NRXN3: variants seen among roughly 807,000 people sequenced by gnomAD.
NRXN3 encodes neurexin III.
A neutral mutation model predicts 137.6 loss-of-function variants in NRXN3; 32 were observed. The observed-to-expected ratio is 0.23, with a 90% CI of 0.18 to 0.31. The LOEUF is 0.31. Ranked by LOEUF, NRXN3 falls within the 10% of genes least tolerant of loss-of-function variation. NRXN3 has a pLI of 1.00. For synonymous variants in NRXN3, 798 were observed against 784.5 expected (o/e 1.02, Z -0.29); for missense variants, 1,574 against 2,062.5 (o/e 0.76, Z 4.59).
intron 15 of NRXN3, among the ~76,000 whole-genome samples, chr14:79,081,665 T>A (rs1008493085): frequency 6.7e-6 from 1 of 149,954 alleles, no homozygotes; most frequent in Non-Finnish European, 1.5e-5. Flanking sequence ...CTTTGTCTAA[T>A]GAAGGAGACA....
At chr14:78,413,649 C>T (rs1380821178) in intron 4 of NRXN3, among the ~76,000 whole-genome samples, 1 of 152,178 alleles carries the variant, frequency 6.6e-6, no homozygotes, top group Admixed American at 6.5e-5. Flanking sequence ...CAGATGTCTC[C>T]AGGTGAAGTG....
intron 16 of NRXN3, among the ~76,000 whole-genome samples, chr14:79,480,957 A>G (rs2096602351): frequency 6.6e-6 from 1 of 152,090 alleles, no homozygotes; most frequent in South Asian, 2.1e-4. Context: ...CCCTTTTCTT[A>G]TAAATTACCC....
At chr14:79,392,357 G>GT (rs2153474897) in intron 15 of NRXN3, among the ~76,000 whole-genome samples, 1 of 152,258 alleles carries the variant, frequency 6.6e-6, no homozygotes, top group African/African-American at 2.4e-5. Context: ...ATATTCCATG[G>GT]TGTATATACC....
intron 15 of NRXN3, among the ~76,000 whole-genome samples, chr14:79,191,293 G>C (rs993811135): frequency 3.3e-5 from 5 of 152,176 alleles, no homozygotes; most frequent in Non-Finnish European, 2.9e-5. Context: ...AAATACAAAG[G>C]CATGGCCAGT....
At chr14:79,309,237 CATGT>C (rs2086753236) in intron 15 of NRXN3, among the ~76,000 whole-genome samples, 2 of 27,762 alleles carry the variant, frequency 7.2e-5, no homozygotes, top group South Asian at 2.4e-3. Flanking sequence ...CAATTTCATC[CATGT>C]CCCTACAAAG....
intron 1 of NRXN3, among the ~76,000 whole-genome samples, chr14:78,196,508 A>G (rs182532237): frequency 7.9e-5 from 12 of 152,330 alleles, no homozygotes; most frequent in East Asian, 1.9e-4. Flanking sequence ...TCTGCGCCCT[A>G]AAGGATCTCA....
chr14:79,606,893 G>A (rs2098027034), intron 16 of NRXN3, among the ~76,000 whole-genome samples: 1 of 152,184 alleles, frequency 6.6e-6, no homozygotes, highest in South Asian at 2.1e-4. Context: ...TAAGGAAGGG[G>A]ATCTTAGCAG....
intron 6 of NRXN3, 123 bp downstream of exon 6, chr14:78,651,449 C>A: frequency 1.8e-6 from 2 of 1,135,924 alleles, no homozygotes; most frequent in Non-Finnish European, 2.5e-6. Flanking sequence ...GCAGCAGAAA[C>A]AACCTTGAAC....
intron 15 of NRXN3, among the ~76,000 whole-genome samples, chr14:79,100,077 A>G (rs182629359): frequency 9.2e-5 from 14 of 152,238 alleles, no homozygotes; most frequent in African/African-American, 3.1e-4. Flanking sequence ...TTTCCCTTAA[A>G]GAGACCATAC....
intron 19 of NRXN3, among the ~76,000 whole-genome samples, chr14:79,707,124 T>G (rs1360253386): frequency 6.6e-6 from 1 of 152,098 alleles, no homozygotes; most frequent in Non-Finnish European, 1.5e-5. Context: ...AGTGATAATT[T>G]GAAAAAACAT....
intron 15 of NRXN3, among the ~76,000 whole-genome samples, chr14:79,465,828 A>G (rs2096414000): frequency 6.6e-6 from 1 of 152,224 alleles, no homozygotes; most frequent in Admixed American, 6.5e-5. Context: ...CTGAATTTTG[A>G]GATGAGTAAC....
intron 3 of NRXN3, among the ~76,000 whole-genome samples, chr14:78,292,956 C>T (rs565290776): frequency 6.6e-6 from 1 of 152,176 alleles, no homozygotes; most frequent in Non-Finnish European, 1.5e-5. Context: ...GAAGGTCCAT[C>T]TTCATTTTTA....
At chr14:78,447,047 TG>T (rs1416113670) in intron 4 of NRXN3, among the ~76,000 whole-genome samples, 1 of 152,182 alleles carries the variant, frequency 6.6e-6, no homozygotes, top group Non-Finnish European at 1.5e-5. Context: ...TGGTACTACA[TG>T]GTCACTCTCA....
At position 79,042,000 on chromosome 14, in the gene NRXN3, G is replaced by A. The variant is rs369561272; in HGVS notation, c.3262+53859G>A. Among the ~76,000 whole-genome samples, 7 of 152,250 alleles carry A rather than the reference G, an allele frequency of 4.6e-5. 1 individual carries two copies. Among genetic ancestry groups the A allele is most frequent in the African/African-American group, 1.7e-4 (7 of 41,542 alleles). On this transcript the variant is annotated intron_variant, in intron 15 of 20. Transcript: ENST00000335750. ...CTGGAGAGAAAAGCAAAAGGACAAG[G>A]CAACACAGGAAAAAGCAAAGTGGAG...
At chr14:78,705,368 CT>C (rs1480062398) in intron 6 of NRXN3, among the ~76,000 whole-genome samples, 5 of 152,210 alleles carry the variant, frequency 3.3e-5, no homozygotes, top group Admixed American at 1.3e-4. Context: ...TGCCAGTACA[CT>C]TCTGCGTGGC....
At chr14:79,064,553 C>T (rs1445779448) in intron 15 of NRXN3, among the ~76,000 whole-genome samples, 1 of 151,684 alleles carries the variant, frequency 6.6e-6, no homozygotes, top group African/African-American at 2.4e-5. Flanking sequence ...AGGGACTGGA[C>T]TCAGCATTTT....
At chr14:78,374,892 A>C (rs941554555) in intron 4 of NRXN3, among the ~76,000 whole-genome samples, 1 of 152,174 alleles carries the variant, frequency 6.6e-6, no homozygotes. Context: ...CACAATCACC[A>C]CTGATTAGTA....
At chr14:79,102,490 C>T (rs1027625370) in intron 15 of NRXN3, among the ~76,000 whole-genome samples, 4 of 152,070 alleles carry the variant, frequency 2.6e-5, no homozygotes, top group African/African-American at 2.4e-5. Flanking sequence ...ACAGGCTTTT[C>T]AATTATTTTC....
intron 17 of NRXN3, among the ~76,000 whole-genome samples, chr14:79,674,310 C>G (rs140626228): frequency 5.1e-4 from 78 of 151,990 alleles, no homozygotes; most frequent in African/African-American, 1.9e-3. Context: ...CAAAAAAATC[C>G]TGCGCATACT....
Sources: gnomAD v4.1 joint callset for allele counts (sites outside exome capture counted in the v4.1 genomes callset) on GRCh38, gnomAD v4.1.1 for gene constraint, MANE v1.5 for transcripts, NCBI Gene and HGNC (gene_info 2026-07-23, HGNC 2026-07-21) for gene names.